SI: variants seen among roughly 807,000 people sequenced by gnomAD.
SI encodes sucrase-isomaltase.
In SI, 235 loss-of-function variants were observed where a neutral mutation model predicts 253.3. The ratio of observed to expected loss-of-function variants is 0.93; its 90% CI spans 0.83 to 1.03. The LOEUF (loss-of-function observed/expected upper bound fraction) is 1.03. Ranked by LOEUF, SI falls within the 50% of genes least tolerant of loss-of-function variation. SI has a pLI of 0.00. For synonymous variants in SI, 819 were observed against 712.0 expected (o/e 1.15, Z -2.39); for missense variants, 2,442 against 2,211.1 (o/e 1.10, Z -2.09).
chr3:164,987,761 A>G (rs1437812584), intron 44 of SI, among the ~76,000 whole-genome samples: 1 of 152,168 alleles, frequency 6.6e-6, no homozygotes, highest in African/African-American at 2.4e-5. Context: ...TTTGATCTCA[A>G]GGTTTCATGT....
At chr3:164,991,161 G>A (rs1717715447) in intron 44 of SI, among the ~76,000 whole-genome samples, 192 bp downstream of exon 44, 1 of 152,108 alleles carries the variant, frequency 6.6e-6, no homozygotes, top group Non-Finnish European at 1.5e-5. Context: ...CTGATGCTAA[G>A]ATAAAGTTCC....
chr3:165,031,283 T>G (rs1345665011), intron 24 of SI, among the ~76,000 whole-genome samples: 1 of 149,046 alleles, frequency 6.7e-6, no homozygotes, highest in Admixed American at 6.8e-5. Context: ...GGAATGAAAA[T>G]TCATATAAAG....
rs149382090 is a variant in SI at position 165,037,957 on chromosome 3, T to C, written c.2369A>G (p.His790Arg). The C allele has an allele frequency of 1.0e-4, 167 of 1,611,644 alleles. 1 individual carries two copies. The highest frequency in any genetic ancestry group is 1.4e-4 in the Non-Finnish European group (160 of 1,178,548). Residue 790 changes from histidine to arginine, a missense_variant, in exon 21 of 48, where the codon CAT becomes CGT. By Grantham distance (29) the His-to-Arg change is conservative (BLOSUM62 0). Coordinates refer to ENST00000264382, the MANE Select transcript of SI (RefSeq NM_001041.4). ...MYLPADKIGLHLRGGYIIPIQ... is the reference protein window; with the variant it reads ...MYLPADKIGLRLRGGYIIPIQ... ...GGGGATGATATAACCTCCTCTAAGA[T>C]GTAATCCTATTTTGTCTGCTGGAAG...
At chr3:165,066,858 C>A (rs957889049) in intron 6 of SI, among the ~76,000 whole-genome samples, 1 of 151,844 alleles carries the variant, frequency 6.6e-6, no homozygotes, top group African/African-American at 2.4e-5. Flanking sequence ...GAAACCATTC[C>A]TAGGAAATTA....
At chr3:165,048,567 G>GTATATATATATATACATATATATATGTA (rs1713250754) in intron 15 of SI, among the ~76,000 whole-genome samples, 1 of 123,848 alleles carries the variant, frequency 8.1e-6, no homozygotes, top group African/African-American at 3.0e-5. Context: ...ATATATATAT[G>GTATATATATATATACATATATATATGTA]TATATATATA....
At position 165,039,815 on chromosome 3, in the gene SI, T is replaced by A. The variant is rs919918439; in HGVS notation, c.2244+72A>T. 5.0e-6 allele frequency: 5 copies of A among 1,005,334 alleles called. No homozygotes were observed. The African/African-American group carries it at 7.9e-5, about 16-fold the overall frequency. The allele number at this position is 1,005,334 out of a possible 1,614,324, so 62.3% of individuals were successfully genotyped here. ...CACTGAGTAACATCTATTATTCAGA[T>A]GTTTTGTAATGTAGGGTCGATTTAG... On this transcript the variant is annotated intron_variant, in intron 19 of 47. Coordinates refer to ENST00000264382, the MANE Select transcript of SI (RefSeq NM_001041.4).
chr3:165,035,887 T>C (rs551060653), intron 22 of SI, among the ~76,000 whole-genome samples: 51 of 151,736 alleles, frequency 3.4e-4, no homozygotes, highest in Non-Finnish European at 5.2e-4. Flanking sequence ...GTATACTGAA[T>C]TCCCAAGTTT....
intron 34 of SI, among the ~76,000 whole-genome samples, chr3:165,012,372 T>A (rs978084979): frequency 6.6e-6 from 1 of 152,044 alleles, no homozygotes; most frequent in Admixed American, 6.5e-5. Context: ...TAAACATTTA[T>A]TAAGAGGGTA....
the SI span, among the ~76,000 whole-genome samples, chr3:165,085,347 A>C: frequency 3.3e-5 from 5 of 152,190 alleles, no homozygotes; most frequent in African/African-American, 9.6e-5. Flanking sequence ...AGCATCTCCA[A>C]GACGTGGACC....
chr3:164,993,916 T>A (rs1013181780), intron 41 of SI, among the ~76,000 whole-genome samples: 1 of 151,624 alleles, frequency 6.6e-6, no homozygotes, highest in African/African-American at 2.4e-5. Context: ...ATTAATTAAA[T>A]CATGAGGGGC....
chr3:165,066,795 A>G (rs574829130), intron 6 of SI, among the ~76,000 whole-genome samples: 7 of 152,122 alleles, frequency 4.6e-5, no homozygotes, highest in Admixed American at 2.0e-4. Flanking sequence ...CTGAGATTTA[A>G]TCTTGACAAT....
Position 165,049,189 on chromosome 3 carries a change from G to A in SI, c.1653C>T (p.Asn551=), listed in dbSNP as rs1560007752. 3.1e-6 allele frequency: 5 copies of A among 1,612,334 alleles called. No individual in the cohort carries two copies. Among genetic ancestry groups the A allele is most frequent in the Middle Eastern group, 3.3e-4 (2 of 6,052 alleles). The change falls in exon 15 of 48, where the codon AAC becomes AAT. Residue 551 remains asparagine, a synonymous_variant. Coordinates refer to ENST00000264382, the MANE Select transcript of SI (RefSeq NM_001041.4). ...TATGAACATCATACTGTTTACCCCA[G>A]TTCTGCACAGCATCCATGCAAATTG... ...SKTICMDAVQ[N]WGKQYDVHSL...
upstream of SI, chr3:165,078,641 C>G (rs889878461): frequency 6.6e-6 from 1 of 151,714 alleles, no homozygotes; most frequent in African/African-American, 2.4e-5. Flanking sequence ...ATAAATGTTT[C>G]TCTCTGGGAA....
chr3:165,012,963 G>T lies in SI; in HGVS notation c.4062+17C>A. ...TGAATTTCTTCTCATTGTATAGTTA[G>T]CCCGTGTAAAACTTACATTAACAGC... is the stretch of plus-strand genomic sequence containing the variant. On this transcript the variant is annotated intron_variant, in intron 34 of 47. Transcript: ENST00000264382. 2.0e-6 allele frequency: 3 copies of T among 1,501,872 alleles called. No individual in the cohort carries two copies. The highest frequency in any genetic ancestry group is 2.8e-6 in the Non-Finnish European group (3 of 1,077,788). The allele number at this position is 1,501,872 out of a possible 1,614,324, so 93.0% of individuals were successfully genotyped here. A position where few individuals can be genotyped will look rare whatever the true frequency, so the allele number is the denominator to read the frequency against.
In SI at chr3:165,067,613, G is replaced by C. The variant is rs113814659; in HGVS notation, c.484-122C>G. ...ACGTGGTGATTAGTTTCATAGAAGA[G>C]TATTAATTCAGAACCTTAATTTTAA... is the stretch of plus-strand genomic sequence containing the variant. On this transcript the variant is annotated intron_variant, in intron 5 of 47. Transcript: ENST00000264382. The C allele has an allele frequency of 2.8e-4, 232 of 842,132 alleles. No individual in the cohort carries two copies. The African/African-American group carries it at 3.7e-3, about 13-fold the overall frequency. 52.2% of individuals were successfully genotyped at this position (842,132 alleles called of 1,614,324 possible). A position where few individuals can be genotyped will look rare whatever the true frequency, so the allele number is the denominator to read the frequency against.
rs371306393 is a variant in SI, at chr3:165,016,232, G to A, written c.3760-152C>T. On this transcript the variant is annotated intron_variant, in intron 31 of 47. Transcript: ENST00000264382. ...AGAATTAAATGGTTTAGTGTTCAAG[G>A]AATAAAAGTAGCATGTAAAGATGTA... is the stretch of plus-strand genomic sequence containing the variant. The A allele has an allele frequency of 3.5e-3, 2,446 of 705,120 alleles. 6 individuals carry two copies. Among genetic ancestry groups the A allele is most frequent in the Non-Finnish European group, 5.3e-3 (2,125 of 400,894 alleles). The allele number at this position is 705,120 out of a possible 1,614,324, so 43.7% of individuals were successfully genotyped here.
chr3:165,052,711 T>A (rs1576911502), intron 13 of SI, among the ~76,000 whole-genome samples: 1 of 152,120 alleles, frequency 6.6e-6, no homozygotes, highest in African/African-American at 2.4e-5. Flanking sequence ...TCAAGTTTCT[T>A]TAAAATTCCT....
intron 3 of SI, among the ~76,000 whole-genome samples, chr3:165,074,123 A>G (rs1714786022): frequency 6.6e-6 from 1 of 152,110 alleles, no homozygotes; most frequent in African/African-American, 2.4e-5. Context: ...AATAATTTTC[A>G]TAAAATGAGT....
chr3:164,990,264 TTCATG>T (rs2108123819), intron 44 of SI, among the ~76,000 whole-genome samples: 2 of 152,168 alleles, frequency 1.3e-5, no homozygotes, highest in South Asian at 4.1e-4. Flanking sequence ...TAATAAATAT[TTCATG>T]TTTTCGTAAA....
Sources: gnomAD v4.1 joint callset for allele counts (sites outside exome capture counted in the v4.1 genomes callset) on GRCh38, gnomAD v4.1.1 for gene constraint, MANE v1.5 for transcripts, NCBI Gene and HGNC (gene_info 2026-07-23, HGNC 2026-07-21) for gene names.